The following TIAM1 variants were observed in gnomAD, a reference collection of about 807,000 sequenced individuals.
TIAM1 encodes the protein TIAM Rac1 associated GEF 1.
A neutral mutation model predicts 163.5 loss-of-function variants in TIAM1; 65 were observed. That is an observed-to-expected ratio of 0.40 (90% CI 0.33 to 0.49). The LOEUF is 0.49. Among genes scored for constraint, TIAM1 ranks in the 20% least tolerant of loss-of-function variants. The pLI is 0.77. For missense variants in TIAM1, 1,789 were observed against 2,044.7 expected (o/e 0.87, Z 2.41); for synonymous variants, 833 against 810.1 (o/e 1.03, Z -0.48).
At chr21:31,328,713 C>A (rs567280820) in intron 2 of TIAM1, among the ~76,000 whole-genome samples, 2 of 151,594 alleles carry the variant, frequency 1.3e-5, no homozygotes, top group South Asian at 4.2e-4. Flanking sequence ...CTCCCCTTGA[C>A]CCCCACCCCC....
intron 6 of TIAM1, among the ~76,000 whole-genome samples, chr21:31,231,013 C>T (rs1460524232): frequency 1.3e-5 from 2 of 151,812 alleles, no homozygotes; most frequent in East Asian, 3.9e-4. Context: ...TTTCTGGCCC[C>T]CTCTGAAGCC....
At chr21:31,477,106 A>G (rs937045681) in intron 1 of TIAM1, among the ~76,000 whole-genome samples, 5 of 152,314 alleles carry the variant, frequency 3.3e-5, no homozygotes, top group Middle Eastern at 3.4e-3. Flanking sequence ...TTAGCAAATA[A>G]GCAATCTTAG....
At chr21:31,326,303 C>T (rs1601971507) in intron 2 of TIAM1, among the ~76,000 whole-genome samples, 3 of 152,272 alleles carry the variant, frequency 2.0e-5, no homozygotes, top group African/African-American at 7.2e-5. Context: ...TCCTGTTGTC[C>T]CAGCTCACCT....
intron 16 of TIAM1, among the ~76,000 whole-genome samples, 181 bp from the exon 17 acceptor site, chr21:31,154,607 G>A (rs2083533098): frequency 6.6e-6 from 1 of 152,150 alleles, no homozygotes; most frequent in South Asian, 2.1e-4. Flanking sequence ...TAACAACCAG[G>A]ATAACAATTG....
chr21:31,241,744 T>G (rs1347449842), intron 6 of TIAM1, among the ~76,000 whole-genome samples: 1 of 152,214 alleles, frequency 6.6e-6, no homozygotes, highest in African/African-American at 2.4e-5. Context: ...TGGTGATTCA[T>G]GCCTATCATC....
chr21:31,552,790 A>G (rs1264965525), intron 1 of TIAM1, among the ~76,000 whole-genome samples: 1 of 152,146 alleles, frequency 6.6e-6, no homozygotes, highest in Non-Finnish European at 1.5e-5. Flanking sequence ...AAAAAGAGAG[A>G]GAATAAGAAA....
intron 15 of TIAM1, among the ~76,000 whole-genome samples, chr21:31,172,532 G>A (rs934117624): frequency 6.6e-6 from 1 of 152,120 alleles, no homozygotes; most frequent in Non-Finnish European, 1.5e-5. Context: ...AGGCTCAGTC[G>A]TGGCTGGAGA....
At chr21:31,444,332 G>A (rs1005412488) in intron 2 of TIAM1, among the ~76,000 whole-genome samples, 10 of 49,686 alleles carry the variant, frequency 2.0e-4, no homozygotes, top group Non-Finnish European at 2.8e-4. Context: ...ACAGCTTCCT[G>A]ATTTAAAAAT....
intron 23 of TIAM1, among the ~76,000 whole-genome samples, chr21:31,132,526 T>C (rs1258148863): frequency 1.3e-5 from 2 of 152,178 alleles, no homozygotes; most frequent in African/African-American, 4.8e-5. Context: ...CTGGGACAGC[T>C]AGGTCCTCTT....
intron 2 of TIAM1, among the ~76,000 whole-genome samples, chr21:31,387,236 A>G (rs2076890193): frequency 8.4e-6 from 1 of 119,692 alleles, no homozygotes. Flanking sequence ...TGGGGGGCAC[A>G]GTTGAGACAG....
intron 1 of TIAM1, among the ~76,000 whole-genome samples, chr21:31,471,246 A>G (rs913022801): frequency 2.6e-5 from 4 of 152,170 alleles, no homozygotes; most frequent in Non-Finnish European, 5.9e-5. Context: ...CCCGGTGGGC[A>G]TCGGTCAGCC....
chr21:31,172,745 G>A lies in TIAM1; in HGVS notation c.2888-7680C>T, dbSNP rs1466539092. On this transcript the variant is annotated intron_variant, in intron 15 of 27. Coordinates refer to ENST00000541036, the MANE Select transcript of TIAM1 (RefSeq NM_001353694.2). ...GAGCCCGGCGCAGTGGCTCACAACT[G>A]TAATCCCAAACTCTTGAGAGGTTAG... Among the ~76,000 whole-genome samples, 3 of 152,116 alleles carry A rather than the reference G, an allele frequency of 2.0e-5. No individual in the cohort carries two copies. In the East Asian group the frequency reaches 5.8e-4, roughly 29 times the overall value.
At chr21:31,242,918 G>A (rs377310164) in intron 6 of TIAM1, among the ~76,000 whole-genome samples, 40 of 150,252 alleles carry the variant, frequency 2.7e-4, no homozygotes, top group African/African-American at 8.5e-4. Flanking sequence ...CAGGTGCAGT[G>A]GCTCAGGCCT....
At chr21:31,259,330 T>A (rs2072311990) in intron 4 of TIAM1, among the ~76,000 whole-genome samples, 1 of 151,366 alleles carries the variant, frequency 6.6e-6, no homozygotes, top group African/African-American at 2.4e-5. Flanking sequence ...AGAGACAAGG[T>A]CTCACTATGT....
At chr21:31,185,323 A>G (rs1047360411) in intron 14 of TIAM1, among the ~76,000 whole-genome samples, 3 of 150,818 alleles carry the variant, frequency 2.0e-5, no homozygotes, top group Non-Finnish European at 4.4e-5. Context: ...GGATAGATAT[A>G]TATCACAGAT....
intron 2 of TIAM1, among the ~76,000 whole-genome samples, chr21:31,427,829 G>A (rs930021147): frequency 5.3e-5 from 8 of 151,832 alleles, no homozygotes; most frequent in Non-Finnish European, 8.8e-5. Context: ...GCAATACCCC[G>A]TCTCAAAAAC....
intron 2 of TIAM1, among the ~76,000 whole-genome samples, chr21:31,404,601 C>A (rs2147225390): frequency 6.6e-6 from 1 of 150,756 alleles, no homozygotes; most frequent in East Asian, 2.0e-4. Context: ...ATTCCTAACT[C>A]AAGTGGTCCT....
intron 4 of TIAM1, among the ~76,000 whole-genome samples, chr21:31,257,820 C>T (rs1204060298): frequency 6.6e-6 from 1 of 152,120 alleles, no homozygotes; most frequent in East Asian, 1.9e-4. Context: ...CTCACGTCCC[C>T]CCTTTTACTA....
At chr21:31,187,123 C>A (rs767496945) in intron 13 of TIAM1, 36 bp from the exon 14 acceptor site, 43 of 1,593,256 alleles carry the variant, frequency 2.7e-5, no homozygotes, top group Non-Finnish European at 3.6e-5. Context: ...GCAGGGCTCA[C>A]ACCTTCTGAA....
Sources: gnomAD v4.1 joint callset for allele counts (sites outside exome capture counted in the v4.1 genomes callset) on GRCh38, gnomAD v4.1.1 for gene constraint, MANE v1.5 for transcripts, NCBI Gene and HGNC (gene_info 2026-07-23, HGNC 2026-07-21) for gene names.